The following USP39 variants were observed in gnomAD, a reference collection of about 807,000 sequenced individuals.
The protein encoded by USP39 is ubiquitin specific peptidase 39, also known as ubiquitin carboxyl-terminal hydrolase 39.
Under a neutral mutation model 66.4 loss-of-function variants are expected in USP39, and 38 were observed. That is an observed-to-expected ratio of 0.57 (90% CI 0.44 to 0.75). The LOEUF (loss-of-function observed/expected upper bound fraction) is 0.75, where lower values mean the gene tolerates loss of function less well. Ranked by LOEUF, USP39 falls within the 30% of genes least tolerant of loss-of-function variation. USP39 has a pLI of 0.00. For missense variants in USP39, 608 were observed against 714.4 expected (o/e 0.85, Z 1.70); for synonymous variants, 303 against 274.6 (o/e 1.10, Z -1.02).
chr2:85,609,451 G>A (rs763143275), upstream of USP39: 4 of 1,614,218 alleles, frequency 2.5e-6, no homozygotes, highest in Non-Finnish European at 8.5e-7. Flanking sequence ...GACGATAACT[G>A]ATGTGACCTC....
upstream of USP39, among the ~76,000 whole-genome samples, chr2:85,614,872 C>G (rs1258511081): frequency 6.6e-6 from 1 of 152,204 alleles, no homozygotes; most frequent in Non-Finnish European, 1.5e-5. Flanking sequence ...GGGAATGCAG[C>G]CTGTCAAGGC....
chr2:85,623,420 C>G (rs1386027561), intron 3 of USP39, among the ~76,000 whole-genome samples: 1 of 151,380 alleles, frequency 6.6e-6, no homozygotes, highest in Non-Finnish European at 1.5e-5. Context: ...TTTCCCTAAT[C>G]AATGTCTTAG....
At chr2:85,641,622 C>T (rs1248057504) in intron 10 of USP39, among the ~76,000 whole-genome samples, 9 of 152,104 alleles carry the variant, frequency 5.9e-5, no homozygotes, top group Admixed American at 3.3e-4. Context: ...AGATGTTTGG[C>T]TGGGCGTGGT....
chr2:85,610,818 G>C (rs1018210850), upstream of USP39: 3 of 150,594 alleles, frequency 2.0e-5, no homozygotes, highest in African/African-American at 7.4e-5. Context: ...GAGTGCAGTG[G>C]CGCGATCTCG....
At chr2:85,614,978 C>CT (rs1558843951), upstream of USP39, among the ~76,000 whole-genome samples, 3 of 119,626 alleles carry the variant, frequency 2.5e-5, no homozygotes, top group African/African-American at 1.2e-4. Flanking sequence ...AAATTGCACA[C>CT]AGTGTGGTGT....
In USP39 at chr2:85,641,031, C is replaced by T. The variant is rs1558872040; in HGVS notation, c.1340C>T (p.Pro447Leu). 2 of 1,613,882 alleles carry T rather than the reference C, an allele frequency of 1.2e-6. No homozygotes were observed. Among genetic ancestry groups the T allele is most frequent in the Non-Finnish European group, 1.7e-6 (2 of 1,179,940 alleles). ...AAGCGCTTCCAGCTTACCAAGTTGC[C>T]TCCATATCTAATCTTTTGTATCAAG... ...FLKRFQLTKL[P>L]PYLIFCIKRF... The change falls in exon 10 of 13, where the codon CCT (proline) becomes CTT (leucine). Residue 447 changes from proline (P) to leucine (L), a missense_variant. Physicochemically the swap from Pro to Leu is moderately conservative, Grantham distance 98 (BLOSUM62 -3). This residue lies in a region of USP39 where 164 missense variants were observed against 250.3 expected (regional missense o/e 0.66). Coordinates refer to ENST00000323701, the MANE Select transcript of USP39 (RefSeq NM_006590.4).
At chr2:85,626,532 C>T (rs1674878353) in intron 5 of USP39, among the ~76,000 whole-genome samples, 2 of 152,148 alleles carry the variant, frequency 1.3e-5, no homozygotes, top group South Asian at 2.1e-4. Context: ...CTCATGGCAT[C>T]TGGAACTTCA....
chr2:85,630,785 A>C lies in USP39; in HGVS notation c.788A>C (p.Lys263Thr), dbSNP rs762147072. ...GAAGAAGACAATTATAAGAACATCA[A>C]ACGTCCTCCAGGGGATATCATGTTC... ...FLEEDNYKNI[K>T]RPPGDIMFLL... Residue 263 changes from lysine (K) to threonine (T), a missense_variant, in exon 6 of 13, where the codon AAA (lysine) becomes ACA (threonine). This residue lies in a region of USP39 where 33 missense variants were observed against 21.7 expected (regional missense o/e 1.52). Transcript: ENST00000323701. 3 of 1,614,166 alleles carry C rather than the reference A, an allele frequency of 1.9e-6. No individual in the cohort carries two copies. The highest frequency in any genetic ancestry group is 2.5e-6 in the Non-Finnish European group (3 of 1,180,038).
At chr2:85,612,504 C>T (rs1673629084), upstream of USP39, 3 of 914,142 alleles carry the variant, frequency 3.3e-6, 1 homozygote, top group South Asian at 5.1e-5. Context: ...AGTGCTCAGG[C>T]AGGGCAACAG....
chr2:85,641,274 T>G (rs1676215856), intron 10 of USP39, among the ~76,000 whole-genome samples, 156 bp downstream of exon 10: 1 of 152,230 alleles, frequency 6.6e-6, no homozygotes, highest in Non-Finnish European at 1.5e-5. Context: ...AAGGATACAC[T>G]TATTTCAGGG....
chr2:85,609,131 T>A (rs1558837928), upstream of USP39: 1 of 1,587,284 alleles, frequency 6.3e-7, no homozygotes, highest in Admixed American at 1.8e-5. Context: ...ACCTGCCCTG[T>A]CCCTAAACAC....
chr2:85,606,398 A>C (rs1001050491), intron 1 of USP39, among the ~76,000 whole-genome samples: 4 of 152,244 alleles, frequency 2.6e-5, no homozygotes, highest in Non-Finnish European at 5.9e-5. Context: ...TCTGGTGAAT[A>C]AACTGAATAG....
intron 5 of USP39, among the ~76,000 whole-genome samples, chr2:85,628,116 C>G (rs976117991): frequency 6.6e-6 from 1 of 152,016 alleles, no homozygotes; most frequent in Non-Finnish European, 1.5e-5. Flanking sequence ...TTCATCAGAT[C>G]GTTCCTCTTA....
At chr2:85,628,154 A>AT (rs776279154) in intron 5 of USP39, among the ~76,000 whole-genome samples, 13 of 150,972 alleles carry the variant, frequency 8.6e-5, no homozygotes, top group African/African-American at 2.4e-4. Flanking sequence ...GTGAAAACTG[A>AT]TTTTTTTTTG....
At chr2:85,640,772 CTTT>C (rs962406690) in intron 9 of USP39, among the ~76,000 whole-genome samples, 7 of 128,624 alleles carry the variant, frequency 5.4e-5, no homozygotes, top group Middle Eastern at 3.8e-3. Flanking sequence ...CAGGCCCGGC[CTTT>C]TTTTTTTTTT....
At chr2:85,647,122 C>T (rs1385314479) in intron 11 of USP39, among the ~76,000 whole-genome samples, 1 of 152,108 alleles carries the variant, frequency 6.6e-6, no homozygotes, top group African/African-American at 2.4e-5. Flanking sequence ...CTCCTTACCT[C>T]AAGTGATCTG....
At chr2:85,648,598 C>G (rs1399315137) in intron 12 of USP39, among the ~76,000 whole-genome samples, 163 bp from the exon 13 acceptor site, 1 of 152,210 alleles carries the variant, frequency 6.6e-6, no homozygotes, top group Non-Finnish European at 1.5e-5. Context: ...TAACTTTTTT[C>G]TCCTCAGTGG....
chr2:85,624,595 T>C (rs557110631), intron 4 of USP39, among the ~76,000 whole-genome samples: 2 of 152,218 alleles, frequency 1.3e-5, no homozygotes, highest in Non-Finnish European at 2.9e-5. Flanking sequence ...GAAAACGTGG[T>C]ATTTAGTCTT....
intron 5 of USP39, among the ~76,000 whole-genome samples, chr2:85,630,478 C>T (rs1243443115): frequency 6.6e-6 from 1 of 152,242 alleles, no homozygotes; most frequent in East Asian, 1.9e-4. Context: ...TTGTTTTAAC[C>T]TTCTTTGTGG....
Sources: allele counts gnomAD v4.1 joint callset (sites outside exome capture counted in the v4.1 genomes callset), GRCh38; gene constraint gnomAD v4.1.1; regional missense constraint gnomAD v4.1.1; transcripts MANE v1.5; gene names NCBI Gene and HGNC (gene_info 2026-07-23, HGNC 2026-07-21).